The following RASGEF1A variants were observed in gnomAD, a reference collection of about 807,000 sequenced individuals.
RASGEF1A encodes ras-GEF domain-containing family member 1A.
In RASGEF1A, 18 loss-of-function variants were observed where a neutral mutation model predicts 56.4. The observed-to-expected ratio is 0.32, with a 90% CI of 0.22 to 0.47. The LOEUF is 0.47. Ranked by LOEUF, RASGEF1A falls within the 20% of genes least tolerant of loss-of-function variation. RASGEF1A has a pLI of 1.00. For synonymous variants in RASGEF1A, 245 were observed against 242.6 expected (o/e 1.01, Z -0.09); for missense variants, 422 against 627.1 (o/e 0.67, Z 3.49).
chr10:43,259,734 C>A (rs1000172676), intron 1 of RASGEF1A, among the ~76,000 whole-genome samples: 2 of 152,188 alleles, frequency 1.3e-5, no homozygotes, highest in Admixed American at 1.3e-4. Context: ...GCTGCACGTT[C>A]AGGGGCTCAA....
intron 1 of RASGEF1A, chr10:43,229,562 G>A (rs1840332528): frequency 2.3e-6 from 3 of 1,299,484 alleles, no homozygotes; most frequent in Middle Eastern, 2.4e-4. Context: ...GCAGGGGACC[G>A]TCGCACCCCT....
chr10:43,254,409 A>C (rs542882920), intron 1 of RASGEF1A, among the ~76,000 whole-genome samples: 1 of 152,076 alleles, frequency 6.6e-6, no homozygotes, highest in East Asian at 1.9e-4. Flanking sequence ...CCTAACAGGC[A>C]CCTATCCTTC....
chr10:43,197,649 C>T (rs1241311821), intron 10 of RASGEF1A, among the ~76,000 whole-genome samples: 1 of 152,222 alleles, frequency 6.6e-6, no homozygotes. Context: ...GCCGCCTCCT[C>T]CCTGCTCAAG....
intron 1 of RASGEF1A, among the ~76,000 whole-genome samples, chr10:43,239,948 G>C (rs1840481661): frequency 6.6e-6 from 1 of 152,230 alleles, no homozygotes; most frequent in Non-Finnish European, 1.5e-5. Context: ...GTAATGACAT[G>C]ATCATAGGGG....
chr10:43,233,506 G>C (rs1459136528), intron 1 of RASGEF1A, among the ~76,000 whole-genome samples: 3 of 152,174 alleles, frequency 2.0e-5, no homozygotes, highest in Admixed American at 6.5e-5. Flanking sequence ...CTATCCAAGG[G>C]GTGATAGGCC....
chr10:43,225,882 G>C (rs1026886600), intron 1 of RASGEF1A, among the ~76,000 whole-genome samples: 3 of 152,198 alleles, frequency 2.0e-5, no homozygotes, highest in Admixed American at 6.5e-5. Flanking sequence ...CCACGGGGAG[G>C]GGGAGAGAGA....
chr10:43,205,441 G>A (rs891601985), intron 2 of RASGEF1A, among the ~76,000 whole-genome samples: 1 of 152,176 alleles, frequency 6.6e-6, no homozygotes, highest in Non-Finnish European at 1.5e-5. Context: ...TGCTGACAGG[G>A]CAGGGCAGGC....
At chr10:43,201,699 T>C in intron 4 of RASGEF1A, 109 bp downstream of exon 4, 4 of 1,178,772 alleles carry the variant, frequency 3.4e-6, no homozygotes, top group Non-Finnish European at 4.5e-6. Context: ...CCTGGGGGAG[T>C]AACATGGAAG....
chr10:43,250,051 G>C (rs957392264), intron 1 of RASGEF1A, among the ~76,000 whole-genome samples: 1 of 152,244 alleles, frequency 6.6e-6, no homozygotes, highest in Non-Finnish European at 1.5e-5. Context: ...CTCCCACCGA[G>C]GGAGCTGGCA....
At chr10:43,257,992 G>A (rs1836453980) in intron 1 of RASGEF1A, among the ~76,000 whole-genome samples, 1 of 152,220 alleles carries the variant, frequency 6.6e-6, no homozygotes, top group South Asian at 2.1e-4. Context: ...GGCCTCCAGT[G>A]TTACATTTAC....
At chr10:43,197,978 C>G in intron 10 of RASGEF1A, 26 bp downstream of exon 10, 1 of 1,577,958 alleles carries the variant, frequency 6.3e-7, no homozygotes, top group Non-Finnish European at 8.7e-7. Context: ...TTCCGCCTGG[C>G]CTGCCCTGTG....
intron 1 of RASGEF1A, chr10:43,229,614 G>A: frequency 6.7e-7 from 1 of 1,487,662 alleles, no homozygotes. Context: ...GCGGCCTTGC[G>A]CCTGGGCCCG....
At chr10:43,225,400 T>G (rs986657869) in intron 1 of RASGEF1A, among the ~76,000 whole-genome samples, 1 of 151,772 alleles carries the variant, frequency 6.6e-6, no homozygotes, top group African/African-American at 2.4e-5. Flanking sequence ...TGTGTCTGTG[T>G]GTGTGCCTGC....
chr10:43,222,476 T>C (rs1840221376), intron 1 of RASGEF1A, among the ~76,000 whole-genome samples: 1 of 152,158 alleles, frequency 6.6e-6, no homozygotes, highest in Admixed American at 6.5e-5. Context: ...ATTCAGTCAG[T>C]CACACCCACA....
chr10:43,242,705 G>A (rs1840516488), intron 1 of RASGEF1A, among the ~76,000 whole-genome samples: 1 of 152,296 alleles, frequency 6.6e-6, no homozygotes. Context: ...ACTGGTTTTT[G>A]TATTTTTGGT....
At chr10:43,265,085 G>A (rs530761901) in intron 1 of RASGEF1A, among the ~76,000 whole-genome samples, 1 of 152,190 alleles carries the variant, frequency 6.6e-6, no homozygotes, top group East Asian at 1.9e-4. Context: ...GGGCCACTGT[G>A]TGCGTGGCTC....
chr10:43,225,949 C>A (rs189545402), intron 1 of RASGEF1A, among the ~76,000 whole-genome samples: 6 of 150,456 alleles, frequency 4.0e-5, no homozygotes, highest in Admixed American at 2.0e-4. Context: ...GGGTGGCTGG[C>A]GGCAGTCACA....
intron 1 of RASGEF1A, among the ~76,000 whole-genome samples, chr10:43,262,627 C>T (rs1166386909): frequency 2.0e-5 from 3 of 152,240 alleles, no homozygotes; most frequent in Non-Finnish European, 4.4e-5. Context: ...TCCAACAGGC[C>T]TGGTGCAGAC....
chr10:43,241,346 C>G (rs928489815), intron 1 of RASGEF1A, among the ~76,000 whole-genome samples: 10 of 152,094 alleles, frequency 6.6e-5, no homozygotes, highest in Non-Finnish European at 2.9e-5. Context: ...GATTGATGAG[C>G]ACACAAGGTA....
Sources: allele counts gnomAD v4.1 joint callset (sites outside exome capture counted in the v4.1 genomes callset), GRCh38; gene constraint gnomAD v4.1.1; transcripts MANE v1.5; gene names NCBI Gene and HGNC (gene_info 2026-07-23, HGNC 2026-07-21).